UGT2B28: variants seen among roughly 807,000 people sequenced by gnomAD.
UGT2B28 encodes UDP-glucuronosyltransferase 2B28.
A neutral mutation model predicts 43.6 loss-of-function variants in UGT2B28; 45 were observed. That is an observed-to-expected ratio of 1.03 (90% CI 0.81 to 1.32). UGT2B28 has a LOEUF of 1.32. Among genes scored for constraint, UGT2B28 ranks in the 40% most tolerant of loss-of-function variants. The pLI, the probability that UGT2B28 is intolerant of heterozygous loss-of-function variation, is 0.00. For missense variants in UGT2B28, 649 were observed against 625.5 expected (o/e 1.04, Z -0.40); for synonymous variants, 204 against 208.1 (o/e 0.98, Z 0.17).
rs1401158738 is a variant in UGT2B28, at chr4:69,285,576, C to G, written c.871-1176C>G. Among the ~76,000 whole-genome samples, 5 of 140,820 alleles carry G rather than the reference C, an allele frequency of 3.6e-5. 1 individual carries two copies. Among genetic ancestry groups the G allele is most frequent in the African/African-American group, 1.4e-4 (5 of 36,040 alleles). The allele number at this position is 140,820 out of a possible 152,430, so 92.4% of individuals were successfully genotyped here. On this transcript the variant is annotated intron_variant, in intron 2 of 5. Transcript: ENST00000335568. ...TGGAATAGTAGTACAAGGACTCTCA[C>G]GTTAACGTAAGATTAAAAATCATAT...
chr4:69,292,389 G>A (rs1489846757), intron 5 of UGT2B28, among the ~76,000 whole-genome samples: 1 of 139,926 alleles, frequency 7.1e-6, no homozygotes, highest in Admixed American at 7.2e-5. Context: ...AAAATAGAAG[G>A]ATAATGAATG....
Position 69,289,758 on chromosome 4 carries a change from A to G in UGT2B28, c.1090+6A>G. ...ACCCCAGAATGACCTTCTAGGTAAC[A>G]CTCTGGTGAACAAATACTGGATATA... is the stretch of plus-strand genomic sequence containing the variant. On this transcript the variant is annotated splice_donor_region_variant and intron_variant, in intron 4 of 5. Transcript: ENST00000335568. The G allele has an allele frequency of 3.9e-6, 6 of 1,535,154 alleles. 1 individual carries two copies. The highest frequency in any genetic ancestry group is 3.7e-5 in the South Asian group (3 of 81,428).
intron 5 of UGT2B28, 67 bp downstream of exon 5, chr4:69,290,878 G>C: frequency 6.8e-7 from 1 of 1,466,462 alleles, no homozygotes; most frequent in Non-Finnish European, 9.1e-7. Context: ...TAGTGAGCAT[G>C]AGTTTCATCC....
intron 1 of UGT2B28, 25 bp from the exon 2 acceptor site, chr4:69,282,489 T>C: frequency 6.5e-7 from 1 of 1,532,040 alleles, no homozygotes; most frequent in Non-Finnish European, 8.7e-7. Context: ...CATCATCCAC[T>C]TTTTCTTTTC....
intron 5 of UGT2B28, 39 bp from the exon 6 acceptor site, chr4:69,294,491 C>G: frequency 6.7e-7 from 1 of 1,489,886 alleles, no homozygotes; most frequent in Non-Finnish European, 8.9e-7. Context: ...GGCCAGTTAA[C>G]TTACTTTCAG....
Position 69,282,797 on chromosome 4 carries a change from T to C in UGT2B28, c.870+135T>C, listed in dbSNP as rs190618505. 4.7e-6 allele frequency: 6 copies of C among 1,290,114 alleles called. No homozygotes were observed. In the East Asian group the frequency reaches 1.0e-4, roughly 23 times the overall value. 79.9% of individuals were successfully genotyped at this position (1,290,114 alleles called of 1,614,324 possible). ...TAGGTGGTGTAAAGCAGATACCAAA[T>C]AGAAACTCATGTATATGTTAATACC... On this transcript the variant is annotated intron_variant, in intron 2 of 5. Coordinates refer to ENST00000335568, the MANE Select transcript of UGT2B28 (RefSeq NM_053039.2).
chr4:69,281,123 T>C lies in UGT2B28; in HGVS notation c.623T>C (p.Met208Thr), dbSNP rs373101039. The C allele has an allele frequency of 9.0e-6, 14 of 1,558,748 alleles. 3 individuals are homozygous for C. The highest frequency in any genetic ancestry group is 1.5e-5 in the African/African-American group (1 of 66,036). Residue 208 changes from methionine (M) to threonine (T), a missense_variant, in exon 1 of 6, where the codon ATG (methionine) becomes ACG (threonine). By Grantham distance (81) the Met-to-Thr change is moderately conservative. Coordinates refer to ENST00000335568, the MANE Select transcript of UGT2B28 (RefSeq NM_053039.2). ...AAATTAAGTGATCAAATGACTTTCA[T>C]GGAGAGGGTAAAAAACATGATCTAT... ...MSKLSDQMTF[M>T]ERVKNMIYVL...
Position 69,294,814 on chromosome 4 carries a change from G to A in UGT2B28, c.*5G>A. ...AAGAAGGGAAAAAGAGATTAGTTAT[G>A]TCTGACATTTGAAGCTGGAAAACCA... On this transcript the variant is annotated 3_prime_UTR_variant, in exon 6 of 6. Transcript: ENST00000335568. 6.5e-7 allele frequency: 1 copy of A among 1,541,258 alleles called. No individual in the cohort carries two copies. The highest frequency in any genetic ancestry group is 8.7e-7 in the Non-Finnish European group (1 of 1,147,186).
Position 69,294,852 on chromosome 4 carries a change from G to T in UGT2B28, c.*43G>T. The T allele has an allele frequency of 6.7e-7, 1 of 1,497,916 alleles. No individual in the cohort carries two copies. The highest frequency in any genetic ancestry group is 8.9e-7 in the Non-Finnish European group (1 of 1,125,972). 92.8% of individuals were successfully genotyped at this position (1,497,916 alleles called of 1,614,324 possible). A position where few individuals can be genotyped will look rare whatever the true frequency, so the allele number is the denominator to read the frequency against. On this transcript the variant is annotated 3_prime_UTR_variant, in exon 6 of 6. Transcript: ENST00000335568. ...AGCTGGAAAACCAGATAGATGGGTT[G>T]ACATCAGTTTATTCCAGCAAGAAAG...
chr4:69,285,570 C>A (rs1723749819), intron 2 of UGT2B28, among the ~76,000 whole-genome samples: 1 of 140,816 alleles, frequency 7.1e-6, no homozygotes, highest in Admixed American at 7.1e-5. Context: ...AGTACAAGGA[C>A]TCTCACGTTA....
At position 69,281,670 on chromosome 4, in the gene UGT2B28, C is replaced by A. The variant is rs1472672585; in HGVS notation, c.721+449C>A. Among the ~76,000 whole-genome samples, 2 of 139,700 alleles carry A rather than the reference C, an allele frequency of 1.4e-5. 1 individual carries two copies. The highest frequency in any genetic ancestry group is 5.6e-5 in the African/African-American group (2 of 35,760). 91.6% of individuals were successfully genotyped at this position (139,700 alleles called of 152,430 possible). A position where few individuals can be genotyped will look rare whatever the true frequency, so the allele number is the denominator to read the frequency against. The stretch of plus-strand genomic sequence containing the variant: ...CTTTTTTAGGTATTAAAAGATATTC[C>A]CATGTTTCCAGAAGGTTTCCTTCAC... On this transcript the variant is annotated intron_variant, in intron 1 of 5. Transcript: ENST00000335568.
At chr4:69,287,684 T>A (rs3901337) in intron 3 of UGT2B28, among the ~76,000 whole-genome samples, 61,348 of 137,436 alleles carry the variant, frequency 0.45, 19,249 homozygotes, top group Non-Finnish European at 0.53. Context: ...GAGGCAGCAG[T>A]AGGAAATATA....
At position 69,295,031 on chromosome 4, in the gene UGT2B28, T is replaced by TA. The variant is rs1724067173; in HGVS notation, c.*228dup. The TA allele has an allele frequency of 2.2e-6, 1 of 455,206 alleles. No homozygotes were observed. The highest frequency in any genetic ancestry group is 2.4e-5 in the African/African-American group (1 of 41,718). The allele number at this position is 455,206 out of a possible 1,614,324, so 28.2% of individuals were successfully genotyped here. A position where few individuals can be genotyped will look rare whatever the true frequency, so the allele number is the denominator to read the frequency against. ...GCAATGAAGAAAACACTAGGGAAAA[T>TA]AAAAAATAATATAAAGCCATATGAG... On this transcript the variant is annotated 3_prime_UTR_variant, in exon 6 of 6. Transcript: ENST00000335568.
chr4:69,282,111 C>T lies in UGT2B28; in HGVS notation c.722-403C>T, dbSNP rs1723630860. Among the ~76,000 whole-genome samples, 5 of 139,856 alleles carry T rather than the reference C, an allele frequency of 3.6e-5. 1 individual carries two copies. 91.8% of individuals were successfully genotyped at this position (139,856 alleles called of 152,430 possible). ...AGCTTAAGGAGTTGTGTAAACTGGA[C>T]TGTTAGAAAATTGGTTTTATGGGTA... On this transcript the variant is annotated intron_variant, in intron 1 of 5. Transcript: ENST00000335568.
chr4:69,292,625 A>G (rs1723986258), intron 5 of UGT2B28, among the ~76,000 whole-genome samples: 1 of 140,376 alleles, frequency 7.1e-6, no homozygotes, highest in Non-Finnish European at 1.5e-5. Context: ...AAAATGATAT[A>G]CAAACACATA....
At position 69,286,508 on chromosome 4, in the gene UGT2B28, A is replaced by G. The variant is rs1723779220; in HGVS notation, c.871-244A>G. 1.4e-5 allele frequency among the ~76,000 whole-genome samples: 2 copies of G among 140,350 alleles called. 1 individual carries two copies. The highest frequency in any genetic ancestry group is 3.0e-5 in the Non-Finnish European group (2 of 65,780). The allele number at this position is 140,350 out of a possible 152,430, so 92.1% of individuals were successfully genotyped here. ...TGTAATAGCTCCATTTCTTTTCTCC[A>G]TTACACACATGCAGACACATACCTA... is the stretch of plus-strand genomic sequence containing the variant. On this transcript the variant is annotated intron_variant, in intron 2 of 5. Transcript: ENST00000335568.
At chr4:69,283,799 T>C (rs1723691113) in intron 2 of UGT2B28, among the ~76,000 whole-genome samples, 1 of 140,558 alleles carries the variant, frequency 7.1e-6, no homozygotes, top group Admixed American at 7.1e-5. Context: ...CACATCAAGG[T>C]TATATTCTCT....
At position 69,282,441 on chromosome 4, in the gene UGT2B28, T is replaced by C. The variant is rs137860679; in HGVS notation, c.722-73T>C. ...ACCTACATCTTTGCCTACATAATTCTAACCCCTTTCAGAAAGTTATGTAAA... is the reference window on the plus strand; with the variant it reads ...ACCTACATCTTTGCCTACATAATTCCAACCCCTTTCAGAAAGTTATGTAAA... On this transcript the variant is annotated intron_variant, in intron 1 of 5. Coordinates refer to ENST00000335568, the MANE Select transcript of UGT2B28 (RefSeq NM_053039.2). 2.1e-3 allele frequency: 3,052 copies of C among 1,459,160 alleles called. 589 individuals carry two copies. In the African/African-American group the frequency reaches 0.037, roughly 18 times the overall value. 90.4% of individuals were successfully genotyped at this position (1,459,160 alleles called of 1,614,324 possible).
rs879340735 is a variant in UGT2B28 at position 69,291,669 on chromosome 4, A to G, written c.1310+858A>G. On this transcript the variant is annotated intron_variant, in intron 5 of 5. Coordinates refer to ENST00000335568, the MANE Select transcript of UGT2B28 (RefSeq NM_053039.2). ...TTCATTGGCCTTTTGATTGTTTCCA[A>G]TTGTGGCTACTAAGAATATTGCTAT... Among the ~76,000 whole-genome samples, 3 of 140,746 alleles carry G rather than the reference A, an allele frequency of 2.1e-5. 1 individual carries two copies. Among genetic ancestry groups the G allele is most frequent in the African/African-American group, 8.3e-5 (3 of 36,094 alleles). 92.3% of individuals were successfully genotyped at this position (140,746 alleles called of 152,430 possible).
Sources: allele counts gnomAD v4.1 joint callset (sites outside exome capture counted in the v4.1 genomes callset), GRCh38; gene constraint gnomAD v4.1.1; transcripts MANE v1.5; gene names NCBI Gene and HGNC (gene_info 2026-07-23, HGNC 2026-07-21).